The following CDH12 variants were observed in gnomAD, a reference collection of about 807,000 sequenced individuals.
The protein encoded by CDH12 is cadherin 12.
In CDH12, 41 loss-of-function variants were observed where a neutral mutation model predicts 74.1. That is an observed-to-expected ratio of 0.55 (90% CI 0.43 to 0.72). CDH12 has a LOEUF of 0.72. CDH12 is among the 30% of genes least tolerant of loss of function. CDH12 has a pLI of 0.00. For missense variants in CDH12, 945 were observed against 977.2 expected (o/e 0.97, Z 0.44); for synonymous variants, 399 against 355.0 (o/e 1.12, Z -1.39).
chr5:22,202,886 TC>T (rs1226825084), intron 4 of CDH12, among the ~76,000 whole-genome samples: 3 of 152,224 alleles, frequency 2.0e-5, no homozygotes, highest in Non-Finnish European at 4.4e-5. Context: ...TTCTCTCCCT[TC>T]AACTCCACTA....
intron 2 of CDH12, among the ~76,000 whole-genome samples, chr5:22,406,990 T>C (rs143651731): frequency 0.021 from 3,187 of 151,376 alleles, 47 homozygotes; most frequent in Non-Finnish European, 0.03. Context: ...ATTTTATTTA[T>C]ACTTGGCTAT....
intron 1 of CDH12, among the ~76,000 whole-genome samples, chr5:22,562,553 TG>T (rs1739101473): frequency 6.6e-6 from 1 of 151,976 alleles, no homozygotes. Context: ...AATGGGAGGT[TG>T]TCAGCTTTCT....
intron 3 of CDH12, among the ~76,000 whole-genome samples, chr5:22,341,707 C>T (rs1040825394): frequency 1.3e-5 from 2 of 152,120 alleles, no homozygotes; most frequent in African/African-American, 4.8e-5. Flanking sequence ...TCATGCAGCT[C>T]TTACCCTTCA....
intron 1 of CDH12, among the ~76,000 whole-genome samples, chr5:22,511,933 TTGTG>T (rs3039486): frequency 0.048 from 7,235 of 149,270 alleles, 273 homozygotes; most frequent in East Asian, 0.17. Context: ...GTAACTATGA[TTGTG>T]TGTGTGTGTG....
At chr5:22,333,898 T>C (rs762647672) in intron 3 of CDH12, among the ~76,000 whole-genome samples, 7 of 152,182 alleles carry the variant, frequency 4.6e-5, no homozygotes, top group African/African-American at 9.6e-5. Context: ...ATAATTTCAA[T>C]TGATGCTGAA....
At chr5:22,496,324 T>C (rs551273880) in intron 2 of CDH12, among the ~76,000 whole-genome samples, 14 of 152,156 alleles carry the variant, frequency 9.2e-5, no homozygotes, top group Non-Finnish European at 1.8e-4. Context: ...TTTGATGACA[T>C]AAAAATTAAG....
chr5:22,821,448 C>A (rs1261332026), intron 1 of CDH12, among the ~76,000 whole-genome samples: 1 of 152,058 alleles, frequency 6.6e-6, no homozygotes, highest in South Asian at 2.1e-4. Context: ...TCAAATTGTC[C>A]CTGTTTGGAG....
At chr5:22,423,993 ACT>A (rs1185788660) in intron 2 of CDH12, among the ~76,000 whole-genome samples, 1 of 121,098 alleles carries the variant, frequency 8.3e-6, no homozygotes, top group Non-Finnish European at 1.6e-5. Context: ...ACAGAGCGAG[ACT>A]CTGTCTCAAA....
intron 12 of CDH12, among the ~76,000 whole-genome samples, chr5:21,763,441 G>A (rs1315068783): frequency 2.6e-5 from 4 of 152,022 alleles, no homozygotes; most frequent in Admixed American, 2.0e-4. Flanking sequence ...GTAAAGCATG[G>A]AAATTGAAAA....
intron 2 of CDH12, among the ~76,000 whole-genome samples, chr5:22,466,962 T>A (rs1183376776): frequency 6.6e-6 from 1 of 151,378 alleles, no homozygotes; most frequent in East Asian, 2.0e-4. Flanking sequence ...CTAATTTTTG[T>A]ATTTTTAGTA....
chr5:22,119,135 C>T (rs2150272399), intron 4 of CDH12, among the ~76,000 whole-genome samples: 1 of 152,190 alleles, frequency 6.6e-6, no homozygotes, highest in Non-Finnish European at 1.5e-5. Flanking sequence ...ATTTCGTTGT[C>T]AGGAGTCAGG....
chr5:22,820,631 T>A (rs1241854852), intron 1 of CDH12, among the ~76,000 whole-genome samples: 1 of 152,120 alleles, frequency 6.6e-6, no homozygotes, highest in African/African-American at 2.4e-5. Flanking sequence ...CTAGAAAATC[T>A]AGAAGAAATG....
intron 4 of CDH12, among the ~76,000 whole-genome samples, chr5:22,206,338 G>C (rs577010698): frequency 6.6e-6 from 1 of 152,292 alleles, no homozygotes; most frequent in East Asian, 1.9e-4. Flanking sequence ...TTTGAGAGTT[G>C]CTGGTCTACA....
chr5:21,802,846 C>A (rs553863486), intron 9 of CDH12, among the ~76,000 whole-genome samples: 2 of 152,146 alleles, frequency 1.3e-5, no homozygotes, highest in South Asian at 4.2e-4. Context: ...CCCACCTCGG[C>A]CTCCCAAAGG....
intron 2 of CDH12, among the ~76,000 whole-genome samples, chr5:22,421,068 T>C (rs1210125493): frequency 1.3e-5 from 2 of 152,188 alleles, no homozygotes; most frequent in Admixed American, 1.3e-4. Flanking sequence ...GAAAAGTTGT[T>C]TATCAGCTTA....
chr5:22,054,852 T>A (rs1277468395), intron 5 of CDH12, among the ~76,000 whole-genome samples: 2 of 152,120 alleles, frequency 1.3e-5, no homozygotes, highest in Non-Finnish European at 2.9e-5. Flanking sequence ...TGATACTGTT[T>A]TAGACTTAGA....
At chr5:22,722,464 A>T (rs907770979) in intron 1 of CDH12, among the ~76,000 whole-genome samples, 1 of 152,240 alleles carries the variant, frequency 6.6e-6, no homozygotes, top group Non-Finnish European at 1.5e-5. Flanking sequence ...GTTAAAATTC[A>T]TAATGACTCT....
intron 5 of CDH12, among the ~76,000 whole-genome samples, chr5:22,035,846 T>A (rs141467329): frequency 3.3e-5 from 5 of 152,064 alleles, no homozygotes; most frequent in East Asian, 3.9e-4. Context: ...GACCACTGTG[T>A]CAAATCTTCA....
At chr5:22,691,207 CT>C (rs1233889472) in intron 1 of CDH12, among the ~76,000 whole-genome samples, 1 of 152,106 alleles carries the variant, frequency 6.6e-6, no homozygotes, top group Non-Finnish European at 1.5e-5. Flanking sequence ...TTGCATAGAA[CT>C]GAAAAAAGCC....
Sources: gnomAD v4.1 joint callset for allele counts (sites outside exome capture counted in the v4.1 genomes callset) on GRCh38, gnomAD v4.1.1 for gene constraint, MANE v1.5 for transcripts, NCBI Gene and HGNC (gene_info 2026-07-23, HGNC 2026-07-21) for gene names.